The following OPCML variants were observed in gnomAD, a reference collection of about 807,000 sequenced individuals.
OPCML encodes opioid-binding protein/cell adhesion molecule.
A neutral mutation model predicts 37.8 loss-of-function variants in OPCML; 13 were observed. The observed-to-expected ratio is 0.34, with a 90% CI of 0.22 to 0.55. The LOEUF (loss-of-function observed/expected upper bound fraction) is 0.55, where lower values mean the gene tolerates loss of function less well. Ranked by LOEUF, OPCML falls within the 20% of genes least tolerant of loss-of-function variation. The pLI, the probability that OPCML is intolerant of heterozygous loss-of-function variation, is 0.91. For synonymous variants in OPCML, 176 were observed against 168.8 expected, an observed-to-expected ratio of 1.04 and a Z score of -0.33; for missense variants, 341 against 435.6, an observed-to-expected ratio of 0.78 and a Z score of 1.93.
chr11:132,874,320 A>C (rs1942927319), intron 2 of OPCML, among the ~76,000 whole-genome samples: 1 of 152,148 alleles, frequency 6.6e-6, no homozygotes, highest in South Asian at 2.1e-4. Context: ...ACTTTGAAGT[A>C]ACCTGCAGCA....
chr11:133,329,779 C>CA (rs1240564750), intron 1 of OPCML, among the ~76,000 whole-genome samples: 2 of 152,134 alleles, frequency 1.3e-5, no homozygotes, highest in African/African-American at 4.8e-5. Flanking sequence ...TAGGCATGGG[C>CA]AAGGACTTCA....
chr11:132,880,022 T>C (rs1943168465), intron 2 of OPCML, among the ~76,000 whole-genome samples: 1 of 152,150 alleles, frequency 6.6e-6, no homozygotes, highest in East Asian at 1.9e-4. Context: ...ATCGGCTCAC[T>C]TCCCAGATGC....
intron 7 of OPCML, among the ~76,000 whole-genome samples, chr11:132,424,269 G>A (rs1249940407): frequency 6.6e-6 from 1 of 151,966 alleles, no homozygotes; most frequent in Non-Finnish European, 1.5e-5. Flanking sequence ...ACAGACGCCT[G>A]CCACCATGCC....
chr11:133,180,543 G>A (rs1937774260), intron 1 of OPCML, among the ~76,000 whole-genome samples: 1 of 152,144 alleles, frequency 6.6e-6, no homozygotes. Flanking sequence ...CATCCCCTCT[G>A]CTCCCTCCAC....
intron 3 of OPCML, among the ~76,000 whole-genome samples, chr11:132,615,748 T>C (rs1938966453): frequency 6.6e-6 from 1 of 152,162 alleles, no homozygotes; most frequent in Non-Finnish European, 1.5e-5. Context: ...ATGACCGTAA[T>C]ACATGCGAAC....
At chr11:132,955,482 T>C (rs1945957839) in intron 1 of OPCML, among the ~76,000 whole-genome samples, 1 of 152,170 alleles carries the variant, frequency 6.6e-6, no homozygotes, top group Non-Finnish European at 1.5e-5. Flanking sequence ...TGACAGATGC[T>C]ATCTAATGTA....
intron 3 of OPCML, among the ~76,000 whole-genome samples, chr11:132,623,654 G>A (rs1195878350): frequency 2.6e-5 from 4 of 152,150 alleles, no homozygotes; most frequent in Admixed American, 2.0e-4. Flanking sequence ...TCCTGAAAAT[G>A]TGTGGGTGGG....
intron 1 of OPCML, among the ~76,000 whole-genome samples, chr11:133,094,616 A>G (rs1447245028): frequency 2.0e-5 from 3 of 152,198 alleles, no homozygotes; most frequent in Non-Finnish European, 1.5e-5. Context: ...TTCTATCATG[A>G]TGCAAGTGTC....
chr11:132,766,096 A>AT (rs1317300816), intron 2 of OPCML, among the ~76,000 whole-genome samples: 4 of 83,952 alleles, frequency 4.8e-5, no homozygotes, highest in Non-Finnish European at 6.6e-5. Flanking sequence ...CATGCTTATA[A>AT]TTTAAAAAAA....
chr11:132,667,939 T>C (rs1216683681), intron 2 of OPCML, among the ~76,000 whole-genome samples: 2 of 152,188 alleles, frequency 1.3e-5, no homozygotes, highest in Non-Finnish European at 2.9e-5. Flanking sequence ...ATAGAGAATG[T>C]AGATGATGGG....
intron 2 of OPCML, among the ~76,000 whole-genome samples, chr11:132,663,087 C>A (rs1370816126): frequency 6.6e-6 from 1 of 152,200 alleles, no homozygotes; most frequent in Admixed American, 6.5e-5. Flanking sequence ...ACTCCATTCT[C>A]TTTGTAATAT....
At chr11:132,924,090 C>T (rs151211349) in intron 2 of OPCML, among the ~76,000 whole-genome samples, 2 of 151,536 alleles carry the variant, frequency 1.3e-5, no homozygotes, top group East Asian at 3.9e-4. Flanking sequence ...CTTGTTCCTG[C>T]CCTCAAGAAA....
intron 1 of OPCML, among the ~76,000 whole-genome samples, chr11:133,081,341 G>A (rs1021572715): frequency 1.3e-5 from 2 of 152,160 alleles, no homozygotes; most frequent in African/African-American, 4.8e-5. Flanking sequence ...GATCATTTAA[G>A]TGAACGCCTC....
chr11:133,027,473 GTGTGTGTGTGTGTGTGT>G lies in OPCML; in HGVS notation c.62-84480_62-84464del, dbSNP rs985049909. Among the ~76,000 whole-genome samples the G allele has an allele frequency of 1.1e-3, 127 of 114,434 alleles. No homozygotes were observed. In the South Asian group the frequency reaches 0.029, roughly 27 times the overall value. The allele number at this position is 114,434 out of a possible 152,430, so 75.1% of individuals were successfully genotyped here. On this transcript the variant is annotated intron_variant, in intron 1 of 7. Coordinates refer to ENST00000524381, the MANE Select transcript of OPCML (RefSeq NM_001012393.5). The stretch of plus-strand genomic sequence containing the variant: ...GTATGTCATATGTGGTCTATGTAGT[GTGTGTGTGTGTGTGTGT>G]TGTGTGTGTGTGTGTGTAGTGCGGT...
chr11:132,621,970 T>C (rs1028251827), intron 3 of OPCML, among the ~76,000 whole-genome samples: 1 of 152,176 alleles, frequency 6.6e-6, no homozygotes, highest in Non-Finnish European at 1.5e-5. Context: ...TTTCCAATTA[T>C]TGAAATAGAG....
intron 1 of OPCML, among the ~76,000 whole-genome samples, chr11:133,338,186 G>A (rs1389663544): frequency 1.3e-5 from 2 of 152,164 alleles, no homozygotes; most frequent in African/African-American, 4.8e-5. Context: ...TTCAATGACA[G>A]CCTGTGAGTG....
chr11:132,975,440 G>A lies in OPCML; in HGVS notation c.62-32430C>T, dbSNP rs140312719. On this transcript the variant is annotated intron_variant, in intron 1 of 7. Transcript: ENST00000524381. ...AAGAAGCATATAATATGAGTATATGGGTGCATAAACTCAGCATAAAAAATA... is the reference window on the plus strand; with the variant it reads ...AAGAAGCATATAATATGAGTATATGAGTGCATAAACTCAGCATAAAAAATA... Among the ~76,000 whole-genome samples, 5 of 146,146 alleles carry A rather than the reference G, an allele frequency of 3.4e-5. No homozygotes were observed. In the East Asian group the frequency reaches 1.0e-3, roughly 30 times the overall value.
At chr11:133,099,442 C>CTTTTTTTTTTTTTTTT (rs35161811) in intron 1 of OPCML, among the ~76,000 whole-genome samples, 5 of 119,484 alleles carry the variant, frequency 4.2e-5, no homozygotes, top group Admixed American at 8.8e-5. Context: ...TTCTTTTTTT[C>CTTTTTTTTTTTTTTTT]TTTTTTTTTT....
chr11:133,465,659 G>C (rs1946960601), intron 1 of OPCML, among the ~76,000 whole-genome samples: 1 of 152,166 alleles, frequency 6.6e-6, no homozygotes, highest in Admixed American at 6.5e-5. Context: ...ATATTTGGTA[G>C]TTAAATTTGG....
Sources: gnomAD v4.1 joint callset for allele counts (sites outside exome capture counted in the v4.1 genomes callset) on GRCh38, gnomAD v4.1.1 for gene constraint, MANE v1.5 for transcripts, NCBI Gene and HGNC (gene_info 2026-07-23, HGNC 2026-07-21) for gene names.